DPYD: variants seen among roughly 807,000 people sequenced by gnomAD.
The protein encoded by DPYD is dihydropyrimidine dehydrogenase [NADP(+)].
DPYD carries 109 observed loss-of-function variants against 116.2 expected under a neutral mutation model. That is an observed-to-expected ratio of 0.94 (90% CI 0.80 to 1.10). The LOEUF (loss-of-function observed/expected upper bound fraction) is 1.10, where lower values mean the gene tolerates loss of function less well. Among genes scored for constraint, DPYD ranks in the 50% least tolerant of loss-of-function variants. DPYD has a pLI of 0.00. For synonymous variants in DPYD, 440 were observed against 432.0 expected (o/e 1.02, Z -0.23); for missense variants, 1,302 against 1,254.5 (o/e 1.04, Z -0.57).
At chr1:97,487,877 A>G (rs1678737838) in intron 13 of DPYD, among the ~76,000 whole-genome samples, 1 of 152,194 alleles carries the variant, frequency 6.6e-6, no homozygotes, top group Admixed American at 6.5e-5. Flanking sequence ...TTTTTAATCA[A>G]ATTAAACATA....
intron 8 of DPYD, among the ~76,000 whole-genome samples, chr1:97,664,307 T>C (rs1659432953): frequency 6.6e-6 from 1 of 151,932 alleles, no homozygotes. Context: ...TATATATGTG[T>C]GTGTATGTGC....
intron 18 of DPYD, among the ~76,000 whole-genome samples, chr1:97,243,406 TTCTG>T (rs1317808329): frequency 2.0e-5 from 3 of 151,952 alleles, no homozygotes; most frequent in Non-Finnish European, 2.9e-5. Flanking sequence ...AAATAGATAT[TTCTG>T]TCTCTATTTT....
At chr1:97,758,320 C>A (rs891191347) in intron 3 of DPYD, among the ~76,000 whole-genome samples, 2 of 151,418 alleles carry the variant, frequency 1.3e-5, no homozygotes, top group Non-Finnish European at 2.9e-5. Context: ...TACCCCATAT[C>A]CTCTTCACAT....
chr1:97,461,564 T>A (rs1677035506), intron 13 of DPYD, among the ~76,000 whole-genome samples: 1 of 152,162 alleles, frequency 6.6e-6, no homozygotes, highest in Admixed American at 6.5e-5. Flanking sequence ...CTGCCAAGAA[T>A]CTATGAAACT....
intron 16 of DPYD, among the ~76,000 whole-genome samples, chr1:97,343,860 TA>T (rs1669707100): frequency 6.6e-6 from 1 of 152,008 alleles, no homozygotes; most frequent in African/African-American, 2.4e-5. Flanking sequence ...AATGCCAAGT[TA>T]AAAAAGTCTG....
At chr1:97,845,745 C>T (rs1274580659) in intron 2 of DPYD, among the ~76,000 whole-genome samples, 1 of 152,184 alleles carries the variant, frequency 6.6e-6, no homozygotes, top group Non-Finnish European at 1.5e-5. Context: ...TTCAGGGAGG[C>T]CAGACCTAGG....
At chr1:97,195,844 T>A (rs1658770114) in intron 19 of DPYD, among the ~76,000 whole-genome samples, 1 of 150,364 alleles carries the variant, frequency 6.7e-6, no homozygotes, top group Non-Finnish European at 1.5e-5. Context: ...GAGAGTTAAG[T>A]CAGGCGCTGC....
chr1:97,651,647 C>A (rs1233386474), intron 8 of DPYD, among the ~76,000 whole-genome samples: 9 of 152,122 alleles, frequency 5.9e-5, no homozygotes, highest in African/African-American at 2.2e-4. Context: ...AAATGTGAAA[C>A]CTCCTACAGC....
At chr1:97,475,978 C>T (rs549267544) in intron 13 of DPYD, among the ~76,000 whole-genome samples, 1 of 152,176 alleles carries the variant, frequency 6.6e-6, no homozygotes, top group Non-Finnish European at 1.5e-5. Flanking sequence ...GATACAGTTA[C>T]ATCAGAAAAT....
At chr1:97,771,800 AAAGC>A (rs1445509093) in intron 3 of DPYD, among the ~76,000 whole-genome samples, 3 of 152,160 alleles carry the variant, frequency 2.0e-5, no homozygotes, top group Non-Finnish European at 4.4e-5. Context: ...GATAAGGAAA[AAAGC>A]CATTGCTGTT....
At chr1:97,294,487 T>C (rs770148790) in intron 18 of DPYD, among the ~76,000 whole-genome samples, 6 of 152,182 alleles carry the variant, frequency 3.9e-5, no homozygotes, top group Non-Finnish European at 8.8e-5. Context: ...AATTACTTAC[T>C]AGGCTTTTGC....
intron 8 of DPYD, among the ~76,000 whole-genome samples, chr1:97,625,014 C>T (rs544221506): frequency 1.3e-5 from 2 of 151,824 alleles, no homozygotes; most frequent in African/African-American, 2.4e-5. Flanking sequence ...TAAGTGTGTG[C>T]TTTTTTCTTT....
At chr1:97,430,566 G>A (rs1675116994) in intron 14 of DPYD, among the ~76,000 whole-genome samples, 1 of 147,220 alleles carries the variant, frequency 6.8e-6, no homozygotes, top group Non-Finnish European at 1.5e-5. Context: ...TCCAGCCTGG[G>A]CAGCAGAGTG....
chr1:97,678,864 A>G (rs1660288279), intron 8 of DPYD, among the ~76,000 whole-genome samples: 1 of 152,128 alleles, frequency 6.6e-6, no homozygotes, highest in Admixed American at 6.6e-5. Flanking sequence ...TGGTGTGGTG[A>G]AAGAATGGGA....
rs183266074 is a variant in DPYD at position 97,763,960 on chromosome 1, A to G, written c.234-23481T>C. Among the ~76,000 whole-genome samples, 52 of 152,216 alleles carry G rather than the reference A, an allele frequency of 3.4e-4. 1 individual carries two copies. The highest frequency in any genetic ancestry group is 6.8e-3 in the Middle Eastern group (2 of 294). On this transcript the variant is annotated intron_variant, in intron 3 of 22. Coordinates refer to ENST00000370192, the MANE Select transcript of DPYD (RefSeq NM_000110.4). Reference sequence around the variant, plus strand: ...TCAGGTCACAATTGTTTGCACTAACAGTTACTACATATTTTATTAATTCAG... The same window carrying G: ...TCAGGTCACAATTGTTTGCACTAACGGTTACTACATATTTTATTAATTCAG...
At chr1:97,710,982 T>C (rs772674363) in intron 5 of DPYD, among the ~76,000 whole-genome samples, 2 of 151,788 alleles carry the variant, frequency 1.3e-5, no homozygotes, top group Non-Finnish European at 2.9e-5. Flanking sequence ...CACTGAAAAT[T>C]AAAAGAGTAA....
chr1:97,196,480 T>C (rs897406233), intron 19 of DPYD, among the ~76,000 whole-genome samples: 1 of 152,068 alleles, frequency 6.6e-6, no homozygotes, highest in Non-Finnish European at 1.5e-5. Flanking sequence ...ATTTTACATT[T>C]CAGAATAGGA....
chr1:97,586,475 T>C (rs1337240565), intron 10 of DPYD, among the ~76,000 whole-genome samples: 1,829 of 36,526 alleles, frequency 0.05, 16 homozygotes, highest in Non-Finnish European at 0.072. Flanking sequence ...CATATATATA[T>C]ATATATATAT....
At chr1:97,117,811 T>G (rs1304751744) in intron 20 of DPYD, among the ~76,000 whole-genome samples, 3 of 152,142 alleles carry the variant, frequency 2.0e-5, no homozygotes, top group African/African-American at 7.2e-5. Context: ...ATAAAACAAT[T>G]AGCTAGTCAG....
Sources: gnomAD v4.1 joint callset for allele counts (sites outside exome capture counted in the v4.1 genomes callset) on GRCh38, gnomAD v4.1.1 for gene constraint, MANE v1.5 for transcripts, NCBI Gene and HGNC (gene_info 2026-07-23, HGNC 2026-07-21) for gene names.